The following JCAD variants were observed in gnomAD, a reference collection of about 807,000 sequenced individuals.
JCAD encodes the protein junctional cadherin 5 associated.
A neutral mutation model predicts 98.0 loss-of-function variants in JCAD; 40 were observed. That is an observed-to-expected ratio of 0.41 (90% CI 0.32 to 0.53). JCAD has a LOEUF of 0.53. Ranked by LOEUF, JCAD falls within the 20% of genes least tolerant of loss-of-function variation. The pLI is 0.31. For synonymous variants in JCAD, 691 were observed against 682.3 expected, an observed-to-expected ratio of 1.01 and a Z score of -0.20; for missense variants, 1,705 against 1,738.1, an observed-to-expected ratio of 0.98 and a Z score of 0.34.
chr10:30,084,823 A>ATCTG (rs1838142265), intron 1 of JCAD, among the ~76,000 whole-genome samples: 1 of 150,200 alleles, frequency 6.7e-6, no homozygotes, highest in African/African-American at 2.5e-5. Flanking sequence ...CTATCTATCT[A>ATCTG]TCTATCTGTG....
Position 30,027,537 on chromosome 10 carries a change from G to A in JCAD, c.2611C>T (p.Arg871Cys), listed in dbSNP as rs749986169. 1 of 1,613,260 alleles carries A rather than the reference G, an allele frequency of 6.2e-7. No individual in the cohort carries two copies. The highest frequency in any genetic ancestry group is 8.5e-7 in the Non-Finnish European group (1 of 1,180,044). The change falls in exon 3 of 4, where the codon CGT becomes TGT. Residue 871 changes from arginine (R) to cysteine (C), a missense_variant. Coordinates refer to ENST00000375377, the MANE Select transcript of JCAD (RefSeq NM_020848.4). ...ESEAEPQQEN[R>C]AHCRQEDVGF... The stretch of plus-strand genomic sequence containing the variant: ...ACATCCTCCTGTCTGCAGTGAGCAC[G>A]GTTCTCCTGCTGCGGCTCCGCCTCA...
rs776829614 is a variant in JCAD, at chr10:30,026,398, C to T, written c.3750G>A (p.Pro1250=). ...GGCGGTCAGGGTCTGCTCTCCTAGGCGGGGAGGCCAGTTTCTCTTGTAAAC... is the reference window on the plus strand; with the variant it reads ...GGCGGTCAGGGTCTGCTCTCCTAGGTGGGGAGGCCAGTTTCTCTTGTAAAC... ...IESLQEKLAS[P]PRRADPDRLM... Residue 1250 remains proline (P), a synonymous_variant, in exon 3 of 4, where the codon CCG becomes CCA. Coordinates refer to ENST00000375377, the MANE Select transcript of JCAD (RefSeq NM_020848.4). 14 of 1,614,076 alleles carry T rather than the reference C, an allele frequency of 8.7e-6. No homozygotes were observed. The highest frequency in any genetic ancestry group is 7.7e-5 in the South Asian group (7 of 91,078).
intron 1 of JCAD, among the ~76,000 whole-genome samples, chr10:30,110,684 C>A (rs1838678949): frequency 6.6e-6 from 1 of 150,942 alleles, no homozygotes; most frequent in Admixed American, 6.6e-5. Context: ...ATGTATGGAC[C>A]CCTGATATAT....
intron 1 of JCAD, among the ~76,000 whole-genome samples, chr10:30,091,238 C>T (rs916537584): frequency 3.9e-5 from 6 of 152,118 alleles, no homozygotes; most frequent in African/African-American, 4.8e-5. Flanking sequence ...AATGGAATCT[C>T]TTCCTAAATT....
At chr10:30,091,151 A>G (rs923011002) in intron 1 of JCAD, among the ~76,000 whole-genome samples, 1 of 152,250 alleles carries the variant, frequency 6.6e-6, no homozygotes, top group African/African-American at 2.4e-5. Context: ...GTTTGGCATC[A>G]TTAAGAGATC....
chr10:30,084,557 G>A (rs1270891443), intron 1 of JCAD, among the ~76,000 whole-genome samples: 1 of 152,158 alleles, frequency 6.6e-6, no homozygotes, highest in East Asian at 1.9e-4. Flanking sequence ...CTAAGTAAGG[G>A]AGAATTCCTC....
chr10:30,044,687 T>C (rs1837300597), intron 2 of JCAD: 1 of 325,272 alleles, frequency 3.1e-6, no homozygotes, highest in Admixed American at 6.5e-5. Context: ...CTTTTTTTTT[T>C]TTTTTTAAAT....
intron 1 of JCAD, among the ~76,000 whole-genome samples, chr10:30,086,965 C>T (rs982698864): frequency 4.6e-5 from 7 of 152,130 alleles, no homozygotes; most frequent in South Asian, 2.1e-4. Context: ...TATAGTAAAC[C>T]GAACCCTAGA....
intron 3 of JCAD, among the ~76,000 whole-genome samples, chr10:30,025,779 C>T (rs1379486968): frequency 6.6e-6 from 1 of 151,938 alleles, no homozygotes; most frequent in Non-Finnish European, 1.5e-5. Flanking sequence ...GCCCCAGCTA[C>T]TCGGGAGGCT....
Position 30,029,299 on chromosome 10 carries a change from T to G in JCAD, c.849A>C (p.Pro283=), listed in dbSNP as rs753599771. Residue 283 remains proline (P), a synonymous_variant, in exon 3 of 4, where the codon CCA becomes CCC. Coordinates refer to ENST00000375377, the MANE Select transcript of JCAD (RefSeq NM_020848.4). ...GCCTCCCAAACTTAGGCCGGGGAAA[T>G]GGGGCTGAGCAGCCACTCTTCTCAG... The part of the protein sequence containing the change: ...RNSEKSGCSA[P]FPRPKFGRPL... The G allele has an allele frequency of 5.0e-6, 8 of 1,613,908 alleles. No homozygotes were observed. The African/African-American group carries it at 8.0e-5, about 16-fold the overall frequency.
chr10:30,064,703 G>A (rs1001866997), intron 2 of JCAD, among the ~76,000 whole-genome samples: 6 of 149,558 alleles, frequency 4.0e-5, no homozygotes, highest in South Asian at 2.1e-4. Context: ...ATGGAGTCTC[G>A]CTCTATCACC....
chr10:30,074,991 T>G (rs946355099), intron 1 of JCAD, among the ~76,000 whole-genome samples: 1 of 152,164 alleles, frequency 6.6e-6, no homozygotes, highest in African/African-American at 2.4e-5. Context: ...AGGGTCTCAC[T>G]ATGTTGCCCA....
At chr10:30,114,578 T>A (rs1588664209) in intron 1 of JCAD, among the ~76,000 whole-genome samples, 2 of 124,684 alleles carry the variant, frequency 1.6e-5, no homozygotes, top group Non-Finnish European at 1.6e-5. Flanking sequence ...ACAGCACAAT[T>A]AAAAAAAAAA....
intron 1 of JCAD, among the ~76,000 whole-genome samples, chr10:30,099,201 A>C (rs1010569789): frequency 2.0e-5 from 3 of 152,218 alleles, no homozygotes; most frequent in Non-Finnish European, 4.4e-5. Context: ...CTTACACCTC[A>C]TCTTTGAAAC....
chr10:30,044,763 A>C, intron 2 of JCAD: 1 of 979,570 alleles, frequency 1.0e-6, no homozygotes, highest in Non-Finnish European at 1.2e-6. Context: ...ATGGGGAAAA[A>C]CAATTCTCCT....
chr10:30,035,757 A>T (rs1300061182), intron 2 of JCAD, among the ~76,000 whole-genome samples: 3 of 152,268 alleles, frequency 2.0e-5, no homozygotes, highest in Admixed American at 2.0e-4. Context: ...ACACATTAAC[A>T]CAGGGTGGGA....
chr10:30,075,193 A>G, intron 1 of JCAD, among the ~76,000 whole-genome samples: 1 of 152,230 alleles, frequency 6.6e-6, no homozygotes, highest in East Asian at 1.9e-4. Flanking sequence ...TATGAAGGAA[A>G]AGGCCTTGGA....
intron 1 of JCAD, among the ~76,000 whole-genome samples, chr10:30,057,322 G>A (rs1837593136): frequency 6.6e-6 from 1 of 152,082 alleles, no homozygotes; most frequent in Non-Finnish European, 1.5e-5. Flanking sequence ...ACATTTCTAG[G>A]ATTTATTTTT....
At chr10:30,034,675 C>A (rs935759870) in intron 2 of JCAD, among the ~76,000 whole-genome samples, 1 of 152,110 alleles carries the variant, frequency 6.6e-6, no homozygotes, top group Non-Finnish European at 1.5e-5. Flanking sequence ...AGAGTCCTCC[C>A]CTGGGGACTC....
Sources: gnomAD v4.1 joint callset for allele counts (sites outside exome capture counted in the v4.1 genomes callset) on GRCh38, gnomAD v4.1.1 for gene constraint, MANE v1.5 for transcripts, NCBI Gene and HGNC (gene_info 2026-07-23, HGNC 2026-07-21) for gene names.